Variants in APBA2 observed in about 807,000 individuals in gnomAD.
APBA2 encodes amyloid-beta A4 precursor protein-binding family A member 2.
A neutral mutation model predicts 75.0 loss-of-function variants in APBA2; 30 were observed. That is an observed-to-expected ratio of 0.40 (90% confidence interval 0.30 to 0.54). APBA2 has a LOEUF of 0.54. APBA2 is among the 20% of genes least tolerant of loss of function. APBA2 has a pLI of 0.49. For synonymous variants in APBA2, 444 were observed against 409.6 expected (o/e 1.08, Z -1.01); for missense variants, 801 against 1,016.1 (o/e 0.79, Z 2.88).
intron 2 of APBA2, among the ~76,000 whole-genome samples, chr15:28,984,187 C>T (rs750204583): frequency 6.6e-5 from 10 of 152,086 alleles, no homozygotes; most frequent in African/African-American, 9.7e-5. Context: ...TGAAAGCAAG[C>T]TCTCGAGGCG....
chr15:29,075,944 G>T, intron 5 of APBA2, 111 bp from the exon 6 acceptor site: 1 of 935,266 alleles, frequency 1.1e-6, no homozygotes, highest in South Asian at 1.3e-5. Context: ...TCACTCATGG[G>T]GGGTTTGCTT....
chr15:28,982,197 C>T (rs368432285), intron 2 of APBA2, among the ~76,000 whole-genome samples: 2 of 152,186 alleles, frequency 1.3e-5, no homozygotes, highest in East Asian at 1.9e-4. Context: ...GGGCCTTCCC[C>T]GCCCCCCACA....
At chr15:29,025,132 C>CATT (rs34852545) in intron 3 of APBA2, among the ~76,000 whole-genome samples, 54,931 of 151,902 alleles carry the variant, frequency 0.36, 16,132 homozygotes, top group African/African-American at 0.78. Context: ...GTGGTTGTCT[C>CATT]ATTAGCAACT....
intron 1 of APBA2, among the ~76,000 whole-genome samples, chr15:28,888,946 G>A (rs1193088950): frequency 6.6e-6 from 1 of 151,930 alleles, no homozygotes; most frequent in African/African-American, 2.4e-5. Flanking sequence ...GGCAGCCTGT[G>A]TGCCCGGTGG....
At chr15:29,032,501 G>A (rs1443025986) in intron 3 of APBA2, among the ~76,000 whole-genome samples, 1 of 152,232 alleles carries the variant, frequency 6.6e-6, no homozygotes, top group Non-Finnish European at 1.5e-5. Flanking sequence ...CTGCAGTCAT[G>A]TGAGCCAATT....
chr15:29,093,756 G>A (rs2043702653), intron 7 of APBA2, among the ~76,000 whole-genome samples: 1 of 152,144 alleles, frequency 6.6e-6, no homozygotes, highest in Non-Finnish European at 1.5e-5. Context: ...TGAGGTCTCA[G>A]CTCTCTGAGC....
intron 2 of APBA2, among the ~76,000 whole-genome samples, chr15:28,959,901 C>T (rs1039390948): frequency 3.9e-5 from 6 of 152,082 alleles, no homozygotes; most frequent in Admixed American, 1.3e-4. Flanking sequence ...CCCAGCACTT[C>T]GGGAGGCCGA....
At chr15:29,091,743 G>T (rs2043582452) in intron 6 of APBA2, among the ~76,000 whole-genome samples, 1 of 152,164 alleles carries the variant, frequency 6.6e-6, no homozygotes, top group African/African-American at 2.4e-5. Flanking sequence ...GCCCAAGCTG[G>T]GCCAGTTGAT....
intron 2 of APBA2, among the ~76,000 whole-genome samples, chr15:28,947,872 GA>G (rs1415885412): frequency 7.4e-4 from 112 of 152,292 alleles, no homozygotes; most frequent in African/African-American, 2.6e-3. Context: ...TTTCAAAACT[GA>G]CTAATGTCTC....
intron 3 of APBA2, among the ~76,000 whole-genome samples, chr15:29,024,208 T>A (rs572896416): frequency 1.3e-5 from 2 of 152,266 alleles, no homozygotes; most frequent in South Asian, 2.1e-4. Context: ...CCGGCCTTTT[T>A]TGCTGAAGTT....
intron 3 of APBA2, among the ~76,000 whole-genome samples, chr15:29,009,037 G>C (rs1242306068): frequency 6.6e-6 from 1 of 152,148 alleles, no homozygotes; most frequent in Non-Finnish European, 1.5e-5. Context: ...ACTAACATGG[G>C]GATCCTCCCC....
chr15:28,950,726 G>A (rs977143121), intron 2 of APBA2, among the ~76,000 whole-genome samples: 1 of 152,142 alleles, frequency 6.6e-6, no homozygotes, highest in Non-Finnish European at 1.5e-5. Flanking sequence ...AAGGAATGTG[G>A]AGTTACACTC....
At chr15:29,055,543 A>AT (rs1198298015) in intron 4 of APBA2, among the ~76,000 whole-genome samples, 3 of 152,152 alleles carry the variant, frequency 2.0e-5, no homozygotes, top group Non-Finnish European at 2.9e-5. Flanking sequence ...TGAGTATATA[A>AT]AGAAGATGTG....
At chr15:29,116,456 C>G (rs2336948) in intron 14 of APBA2, among the ~76,000 whole-genome samples, 109,173 of 151,420 alleles carry the variant, frequency 0.72, 43,757 homozygotes, top group Non-Finnish European at 0.9. Context: ...GAAACCCCGT[C>G]TCTGCTAAAA....
At chr15:28,905,081 G>A (rs551218831) in intron 1 of APBA2, among the ~76,000 whole-genome samples, 5 of 152,280 alleles carry the variant, frequency 3.3e-5, no homozygotes, top group Admixed American at 3.3e-4. Flanking sequence ...CAACCGCCTG[G>A]GACTGCACAG....
chr15:29,064,341 A>G (rs961225991), intron 4 of APBA2, among the ~76,000 whole-genome samples: 1 of 152,162 alleles, frequency 6.6e-6, no homozygotes, highest in Non-Finnish European at 1.5e-5. Context: ...CCTCCCTGCA[A>G]ATCTCTGGCA....
At chr15:29,092,106 A>G (rs1595941265) in intron 6 of APBA2, among the ~76,000 whole-genome samples, 1 of 152,190 alleles carries the variant, frequency 6.6e-6, no homozygotes, top group African/African-American at 2.4e-5. Context: ...TTTTGCATAT[A>G]AAGTTTCCTT....
intron 2 of APBA2, among the ~76,000 whole-genome samples, chr15:28,934,581 C>G (rs910992939): frequency 7.9e-5 from 12 of 152,188 alleles, no homozygotes; most frequent in African/African-American, 2.9e-4. Context: ...TTGGGGCCAG[C>G]TACAAATGCC....
At chr15:29,015,002 T>C (rs2039586993) in intron 3 of APBA2, among the ~76,000 whole-genome samples, 1 of 151,174 alleles carries the variant, frequency 6.6e-6, no homozygotes, top group Non-Finnish European at 1.5e-5. Flanking sequence ...AGTGTAGGTG[T>C]TGGATGTGGA....
Sources: allele counts gnomAD v4.1 joint callset (sites outside exome capture counted in the v4.1 genomes callset), GRCh38; gene constraint gnomAD v4.1.1; transcripts MANE v1.5; gene names NCBI Gene and HGNC (gene_info 2026-07-23, HGNC 2026-07-21).